PRDM16: variants seen among roughly 807,000 people sequenced by gnomAD.
The protein encoded by PRDM16 is histone-lysine N-methyltransferase PRDM16.
In PRDM16, 23 loss-of-function variants were observed where a neutral mutation model predicts 110.6. The ratio of observed to expected loss-of-function variants is 0.21; its 90% CI spans 0.15 to 0.29. The LOEUF is 0.29. Ranked by LOEUF, PRDM16 falls within the 10% of genes least tolerant of loss-of-function variation. The probability of loss-of-function intolerance (pLI) is 1.00; values close to 1 mark genes in which losing one functional copy is unlikely to be tolerated. For synonymous variants in PRDM16, 799 were observed against 781.8 expected, an observed-to-expected ratio of 1.02 and a Z score of -0.37; for missense variants, 1,615 against 1,794.3, an observed-to-expected ratio of 0.90 and a Z score of 1.81.
At chr1:3,277,730 C>T (rs1033578658) in intron 3 of PRDM16, among the ~76,000 whole-genome samples, 9 of 150,030 alleles carry the variant, frequency 6.0e-5, no homozygotes, top group East Asian at 3.9e-4. Flanking sequence ...CACACACACG[C>T]GCGCACACAC....
At chr1:3,375,114 G>A (rs186662035) in intron 3 of PRDM16, among the ~76,000 whole-genome samples, 18 of 152,326 alleles carry the variant, frequency 1.2e-4, no homozygotes, top group Admixed American at 3.9e-4. Flanking sequence ...GGGGGACACC[G>A]AGGCAGGACC....
chr1:3,174,189 A>G (rs1644060346), intron 1 of PRDM16, among the ~76,000 whole-genome samples: 1 of 151,974 alleles, frequency 6.6e-6, no homozygotes, highest in South Asian at 2.1e-4. Flanking sequence ...CTCGGGGCAA[A>G]TCCCTGCCTC....
At chr1:3,225,573 T>TGTGTGTGTGTGTGCGC (rs1336272072) in intron 2 of PRDM16, among the ~76,000 whole-genome samples, 4 of 129,910 alleles carry the variant, frequency 3.1e-5, no homozygotes, top group African/African-American at 1.1e-4. Flanking sequence ...TGTGTGTGTG[T>TGTGTGTGTGTGTGCGC]GCGCGCGCGC....
rs187767051 is a variant in PRDM16 at position 3,159,987 on chromosome 1, G to A, written c.38-26138G>A. Among the ~76,000 whole-genome samples, 346 of 152,342 alleles carry A rather than the reference G, an allele frequency of 2.3e-3. 3 individuals are homozygous for A. The highest frequency in any genetic ancestry group is 7.7e-3 in the African/African-American group (322 of 41,574). Reference sequence around the variant, plus strand: ...TTACACTAAAAAAATCATCCACCGCGTATCTGAAATGCAAAACTAACTTGG... The same window carrying A: ...TTACACTAAAAAAATCATCCACCGCATATCTGAAATGCAAAACTAACTTGG... On this transcript the variant is annotated intron_variant, in intron 1 of 16. Transcript: ENST00000270722.
rs796269323 is a variant in PRDM16 at position 3,120,029 on chromosome 1, C to T, written c.37+50733C>T. On this transcript the variant is annotated intron_variant, in intron 1 of 16. Transcript: ENST00000270722. ...TAGCTTGGGAGCCCCGCCTGGTGGC[C>T]GAGGCTGCTGGTGCCTCCTTGCTCA... Among the ~76,000 whole-genome samples, 130 of 152,302 alleles carry T rather than the reference C, an allele frequency of 8.5e-4. 1 individual carries two copies. Among genetic ancestry groups the T allele is most frequent in the African/African-American group, 3.0e-3 (123 of 41,580 alleles).
At chr1:3,079,468 T>C (rs1641972493) in intron 1 of PRDM16, among the ~76,000 whole-genome samples, 2 of 151,980 alleles carry the variant, frequency 1.3e-5, no homozygotes, top group African/African-American at 2.4e-5. Flanking sequence ...GAGGGAAGCC[T>C]GTAATGCAGA....
At position 3,174,011 on chromosome 1, in the gene PRDM16, G is replaced by A. The variant is rs1341081607; in HGVS notation, c.38-12114G>A. Among the ~76,000 whole-genome samples the A allele has an allele frequency of 5.9e-5, 9 of 152,228 alleles. No individual in the cohort carries two copies. The South Asian group carries it at 1.4e-3, about 25-fold the overall frequency. ...GTGAGTGTCTTGGGTCTGCTTTAAC[G>A]AAAGAGCACAAACTGGATGGACTGA... On this transcript the variant is annotated intron_variant, in intron 1 of 16. Coordinates refer to ENST00000270722, the MANE Select transcript of PRDM16 (RefSeq NM_022114.4).
chr1:3,389,832 T>C (rs893584020), intron 4 of PRDM16, among the ~76,000 whole-genome samples: 3 of 152,050 alleles, frequency 2.0e-5, no homozygotes, highest in Admixed American at 1.3e-4. Context: ...GCAAGGGAGA[T>C]AGGGCTCTGA....
intron 2 of PRDM16, among the ~76,000 whole-genome samples, chr1:3,202,008 C>T (rs548558272): frequency 3.0e-4 from 45 of 152,298 alleles, no homozygotes; most frequent in African/African-American, 1.0e-3. Context: ...AGGCAGGGGA[C>T]GCCCTCACAG....
chr1:3,264,159 G>C (rs994402448), intron 3 of PRDM16, among the ~76,000 whole-genome samples: 1 of 152,208 alleles, frequency 6.6e-6, no homozygotes, highest in Non-Finnish European at 1.5e-5. Context: ...GCAATGACAC[G>C]AGCAGTTACA....
intron 3 of PRDM16, among the ~76,000 whole-genome samples, chr1:3,376,503 C>T (rs1054263507): frequency 2.0e-5 from 3 of 152,150 alleles, no homozygotes; most frequent in Non-Finnish European, 2.9e-5. Flanking sequence ...TCCCCCAGCA[C>T]GCCCCACTGC....
intron 3 of PRDM16, among the ~76,000 whole-genome samples, chr1:3,251,354 C>T (rs1639928479): frequency 6.6e-6 from 1 of 151,978 alleles, no homozygotes; most frequent in Non-Finnish European, 1.5e-5. Flanking sequence ...CTCTGGGTAC[C>T]GAGGGTGAGG....
At chr1:3,277,261 A>G (rs1248701868) in intron 3 of PRDM16, among the ~76,000 whole-genome samples, 1 of 152,070 alleles carries the variant, frequency 6.6e-6, no homozygotes. Context: ...GATCTTGCAA[A>G]CAGTCGAGTC....
intron 1 of PRDM16, among the ~76,000 whole-genome samples, chr1:3,164,877 G>A (rs765994162): frequency 6.6e-6 from 1 of 152,194 alleles, no homozygotes; most frequent in Non-Finnish European, 1.5e-5. Context: ...GGAGATGCAG[G>A]TGGGAAGGCC....
chr1:3,115,747 C>T (rs1642942602), intron 1 of PRDM16, among the ~76,000 whole-genome samples: 4 of 152,238 alleles, frequency 2.6e-5, no homozygotes, highest in South Asian at 4.1e-4. Context: ...ACGGCATCTC[C>T]TATGGCTACA....
chr1:3,127,598 A>G (rs899520433), intron 1 of PRDM16, among the ~76,000 whole-genome samples: 9 of 152,218 alleles, frequency 5.9e-5, no homozygotes, highest in Admixed American at 5.9e-4. Flanking sequence ...TGCTAAGCAG[A>G]TCCATTCTGC....
At chr1:3,200,640 C>G (rs940178634) in intron 2 of PRDM16, among the ~76,000 whole-genome samples, 2 of 152,234 alleles carry the variant, frequency 1.3e-5, no homozygotes, top group Admixed American at 1.3e-4. Flanking sequence ...CCGCGCCCAG[C>G]CTAAGGTGGA....
intron 3 of PRDM16, among the ~76,000 whole-genome samples, chr1:3,366,342 T>C (rs1642815865): frequency 6.6e-6 from 1 of 152,192 alleles, no homozygotes; most frequent in Admixed American, 6.5e-5. Flanking sequence ...AGGCACGCAC[T>C]CTCTGTGGGT....
At chr1:3,252,370 A>T (rs1305031956) in intron 3 of PRDM16, among the ~76,000 whole-genome samples, 1 of 123,672 alleles carries the variant, frequency 8.1e-6, no homozygotes, top group Admixed American at 8.8e-5. Flanking sequence ...TGGGCCCTGA[A>T]TCCCTCAAAT....
Sources: gnomAD v4.1 joint callset for allele counts (sites outside exome capture counted in the v4.1 genomes callset) on GRCh38, gnomAD v4.1.1 for gene constraint, MANE v1.5 for transcripts, NCBI Gene and HGNC (gene_info 2026-07-23, HGNC 2026-07-21) for gene names.